Variants in ASTN2 observed in about 807,000 individuals in gnomAD.
The protein encoded by ASTN2 is astrotactin 2.
In ASTN2, 54 loss-of-function variants were observed where a neutral mutation model predicts 139.8. That is an observed-to-expected ratio of 0.39 (90% confidence interval 0.31 to 0.48). The LOEUF is 0.48. Among genes scored for constraint, ASTN2 ranks in the 20% least tolerant of loss-of-function variants. The pLI, the probability that ASTN2 is intolerant of heterozygous loss-of-function variation, is 0.95. For synonymous variants in ASTN2, 756 were observed against 719.5 expected (o/e 1.05, Z -0.81); for missense variants, 1,565 against 1,725.1 (o/e 0.91, Z 1.64).
chr9:117,111,208 C>A (rs1829240132), intron 4 of ASTN2, among the ~76,000 whole-genome samples: 1 of 152,142 alleles, frequency 6.6e-6, no homozygotes, highest in Admixed American at 6.5e-5. Context: ...GTAAACCAGG[C>A]AAGTTTCATT....
At chr9:116,682,956 G>T (rs1412429531) in intron 16 of ASTN2, among the ~76,000 whole-genome samples, 2 of 151,642 alleles carry the variant, frequency 1.3e-5, no homozygotes, top group Non-Finnish European at 1.5e-5. Context: ...CAGCACACCA[G>T]CATGGCACAT....
chr9:117,324,065 T>G (rs1828429830), intron 1 of ASTN2, among the ~76,000 whole-genome samples: 1 of 151,984 alleles, frequency 6.6e-6, no homozygotes, highest in African/African-American at 2.4e-5. Flanking sequence ...TAATCCCATG[T>G]GAAAAAAATG....
intron 7 of ASTN2, among the ~76,000 whole-genome samples, chr9:116,995,305 G>A (rs1307380746): frequency 1.3e-5 from 2 of 152,166 alleles, no homozygotes; most frequent in Admixed American, 1.3e-4. Context: ...AAATCTAATG[G>A]AAATGCTCTT....
chr9:116,537,143 G>A (rs941837236), intron 19 of ASTN2, among the ~76,000 whole-genome samples: 19 of 152,210 alleles, frequency 1.2e-4, no homozygotes, highest in Non-Finnish European at 2.8e-4. Context: ...ATGGGCATGA[G>A]ACCCTCCGAG....
At chr9:116,935,899 G>GT (rs1835053510) in intron 10 of ASTN2, among the ~76,000 whole-genome samples, 1 of 151,968 alleles carries the variant, frequency 6.6e-6, no homozygotes, top group Admixed American at 6.5e-5. Flanking sequence ...AACCTTTGAA[G>GT]TAAGTACTAT....
At chr9:116,852,787 G>A (rs1832644423) in intron 11 of ASTN2, among the ~76,000 whole-genome samples, 1 of 151,784 alleles carries the variant, frequency 6.6e-6, no homozygotes. Flanking sequence ...GTCCTACACT[G>A]GAATTTCAGA....
intron 1 of ASTN2, among the ~76,000 whole-genome samples, chr9:117,368,216 A>G (rs1450696207): frequency 1.3e-5 from 2 of 152,098 alleles, no homozygotes; most frequent in African/African-American, 4.8e-5. Flanking sequence ...GCTTCCAGGG[A>G]TCTAGAAGTC....
chr9:117,410,429 T>C (rs1480045611), intron 1 of ASTN2, among the ~76,000 whole-genome samples: 5 of 152,088 alleles, frequency 3.3e-5, no homozygotes, highest in Non-Finnish European at 7.4e-5. Context: ...AAACAGACAG[T>C]ACAAAGCAAG....
At chr9:116,672,469 C>T (rs997445938) in intron 16 of ASTN2, among the ~76,000 whole-genome samples, 1 of 152,102 alleles carries the variant, frequency 6.6e-6, no homozygotes, top group African/African-American at 2.4e-5. Context: ...ATATTCTCTT[C>T]CTCCTCAGAA....
intron 13 of ASTN2, among the ~76,000 whole-genome samples, chr9:116,742,854 G>A (rs1829130171): frequency 6.6e-6 from 1 of 152,192 alleles, no homozygotes; most frequent in Admixed American, 6.5e-5. Flanking sequence ...TGGTAGATGA[G>A]GCTGAGATTA....
intron 10 of ASTN2, among the ~76,000 whole-genome samples, chr9:116,961,395 C>T (rs958458502): frequency 4.6e-5 from 7 of 152,108 alleles, no homozygotes; most frequent in Non-Finnish European, 7.3e-5. Context: ...CCCAACTCTC[C>T]GCAACCACTA....
chr9:117,125,895 A>G (rs569348416), intron 4 of ASTN2, among the ~76,000 whole-genome samples: 1 of 152,232 alleles, frequency 6.6e-6, no homozygotes, highest in African/African-American at 2.4e-5. Context: ...TTGGATGTAA[A>G]ATGCAAACTA....
At chr9:117,407,166 G>A (rs1831018633) in intron 1 of ASTN2, among the ~76,000 whole-genome samples, 1 of 152,168 alleles carries the variant, frequency 6.6e-6, no homozygotes, top group African/African-American at 2.4e-5. Flanking sequence ...CCAGGGGATG[G>A]TGAGGTAGAG....
At chr9:117,010,695 G>A (rs1037556568) in intron 6 of ASTN2, among the ~76,000 whole-genome samples, 7 of 150,830 alleles carry the variant, frequency 4.6e-5, no homozygotes, top group African/African-American at 1.7e-4. Flanking sequence ...GCAGACACAG[G>A]CATTCAGGAT....
intron 13 of ASTN2, among the ~76,000 whole-genome samples, chr9:116,793,787 C>T (rs1830616511): frequency 6.6e-6 from 1 of 152,170 alleles, no homozygotes; most frequent in South Asian, 2.1e-4. Context: ...TATATTTTAG[C>T]AGGCAATTGG....
chr9:116,749,279 T>A (rs1564246762), intron 13 of ASTN2, among the ~76,000 whole-genome samples: 1 of 152,140 alleles, frequency 6.6e-6, no homozygotes, highest in Non-Finnish European at 1.5e-5. Flanking sequence ...TCAAAAAGCT[T>A]GTTGTGATTA....
chr9:116,542,038 A>AT (rs1234782144), intron 19 of ASTN2, among the ~76,000 whole-genome samples: 7 of 151,952 alleles, frequency 4.6e-5, no homozygotes, highest in Non-Finnish European at 7.4e-5. Flanking sequence ...ATTTCTCATG[A>AT]TTTTTTTTAT....
chr9:116,441,323 C>T (rs747351952), intron 21 of ASTN2, among the ~76,000 whole-genome samples: 4 of 151,900 alleles, frequency 2.6e-5, no homozygotes, highest in Non-Finnish European at 5.9e-5. Context: ...ATCAAAGTAA[C>T]TTCAATACAT....
rs1833572478 is a variant in ASTN2, at chr9:116,885,468, C to A, written c.1890-21735G>T. 2.6e-5 allele frequency among the ~76,000 whole-genome samples: 4 copies of A among 152,238 alleles called. No homozygotes were observed. In the South Asian group the frequency reaches 8.3e-4, roughly 32 times the overall value. On this transcript the variant is annotated intron_variant, in intron 10 of 22. Coordinates refer to ENST00000313400, the MANE Select transcript of ASTN2 (RefSeq NM_001365068.1). ...ATCACCTGAGGTCAAGAGTTGGAGG[C>A]CAGCCTGGCCAACATGGCAAAACCT...
Sources: allele counts gnomAD v4.1 joint callset (sites outside exome capture counted in the v4.1 genomes callset), GRCh38; gene constraint gnomAD v4.1.1; transcripts MANE v1.5; gene names NCBI Gene and HGNC (gene_info 2026-07-23, HGNC 2026-07-21).